Variants in THSD1 observed in about 807,000 individuals in gnomAD.
THSD1 encodes the protein thrombospondin type 1 domain containing 1, also known as thrombospondin type-1 domain-containing protein 1.
Under a neutral mutation model 46.3 loss-of-function variants are expected in THSD1, and 34 were observed. The observed-to-expected ratio is 0.74, with a 90% CI of 0.56 to 0.98. THSD1 has a LOEUF of 0.98. THSD1 is among the 50% of genes least tolerant of loss of function. The pLI, the probability that THSD1 is intolerant of heterozygous loss-of-function variation, is 0.00. For synonymous variants in THSD1, 407 were observed against 416.5 expected (o/e 0.98, Z 0.28); for missense variants, 1,023 against 1,058.3 (o/e 0.97, Z 0.46).
chr13:52,400,517 G>A (rs1454041248), intron 2 of THSD1, among the ~76,000 whole-genome samples: 1 of 152,084 alleles, frequency 6.6e-6, no homozygotes, highest in Non-Finnish European at 1.5e-5. Context: ...AGAATTGCTG[G>A]AACCCGGGAA....
At chr13:52,390,922 T>G (rs1957768350) in intron 3 of THSD1, among the ~76,000 whole-genome samples, 1 of 152,112 alleles carries the variant, frequency 6.6e-6, no homozygotes, top group Non-Finnish European at 1.5e-5. Flanking sequence ...AAATCAGTTT[T>G]GATTTAAAAA....
chr13:52,392,337 A>G (rs1194857129), intron 3 of THSD1, among the ~76,000 whole-genome samples: 1 of 152,218 alleles, frequency 6.6e-6, no homozygotes, highest in Non-Finnish European at 1.5e-5. Flanking sequence ...CAAAGCAATG[A>G]TCAAATTTAA....
rs150440372 is a variant in THSD1, at chr13:52,377,634, G to C, written c.2336C>G (p.Ser779Cys). 7 of 1,610,512 alleles carry C rather than the reference G, an allele frequency of 4.3e-6. No individual in the cohort carries two copies. The highest frequency in any genetic ancestry group is 5.9e-6 in the Non-Finnish European group (7 of 1,177,068). Residue 779 changes from serine (S) to cysteine (C), a missense_variant, in exon 5 of 5, where the codon TCC (serine) becomes TGC (cysteine). Physicochemically the swap from Ser to Cys is moderately radical, Grantham distance 112 (BLOSUM62 -1). Transcript: ENST00000258613. ...SVSRKQSSPI[S>C]PKDNYQRVSS... ...GACCCTCTGGTAGTTATCTTTGGGG[G>C]ATATGGGAGAAGACTGCTTCCTTGA... is the stretch of plus-strand genomic sequence containing the variant.
chr13:52,403,830 G>A (rs1957884350), intron 1 of THSD1, among the ~76,000 whole-genome samples: 1 of 151,658 alleles, frequency 6.6e-6, no homozygotes, highest in African/African-American at 2.4e-5. Context: ...TAAGATACTG[G>A]GCATTTAAGA....
Position 52,386,192 on chromosome 13 carries a change from A to G in THSD1, c.1022-6T>C. ...CTGCCACAGTCCCCAAGTTTCTGCA[A>G]GGATATAAGTTATGCTTTTAATGCT... On this transcript the variant is annotated splice_region_variant and splice_polypyrimidine_tract_variant and intron_variant, in intron 3 of 4. Transcript: ENST00000258613. 2 of 1,613,854 alleles carry G rather than the reference A, an allele frequency of 1.2e-6. No homozygotes were observed. The highest frequency in any genetic ancestry group is 1.7e-6 in the Non-Finnish European group (2 of 1,179,882).
Position 52,398,135 on chromosome 13 carries a change from C to T in THSD1, c.118G>A (p.Asp40Asn), listed in dbSNP as rs371958733. The stretch of plus-strand genomic sequence containing the variant: ...TACTGGAAATCCACATACACTGTGT[C>T]GTTGCTTAGTGCTACATGGCCTGGC... Reference protein sequence around the residue: ...REPGHVALSNDTVYVDFQYFD... With the variant: ...REPGHVALSNNTVYVDFQYFD... Residue 40 changes from aspartate to asparagine, a missense_variant, in exon 3 of 5, where the codon GAC (aspartate) becomes AAC (asparagine). Transcript: ENST00000258613. The T allele has an allele frequency of 4.3e-6, 7 of 1,614,072 alleles. No individual in the cohort carries two copies. Among genetic ancestry groups the T allele is most frequent in the African/African-American group, 2.7e-5 (2 of 74,932 alleles).
intron 4 of THSD1, 68 bp from the exon 5 acceptor site, chr13:52,378,857 TC>T: frequency 1.4e-6 from 2 of 1,399,880 alleles, no homozygotes; most frequent in Non-Finnish European, 1.9e-6. Flanking sequence ...TTTTACTTTT[TC>T]TTTTCTTTTT....
chr13:52,385,604 T>A (rs1957725054), intron 4 of THSD1, among the ~76,000 whole-genome samples: 1 of 152,138 alleles, frequency 6.6e-6, no homozygotes. Flanking sequence ...AATAATGGTC[T>A]ATGTGGTCCC....
Position 52,397,241 on chromosome 13 carries a change from T to C in THSD1, c.1012A>G (p.Arg338Gly), listed in dbSNP as rs1384238076. 1 of 1,571,322 alleles carries C rather than the reference T, an allele frequency of 6.4e-7. No individual in the cohort carries two copies. The highest frequency in any genetic ancestry group is 8.6e-7 in the Non-Finnish European group (1 of 1,161,180). Residue 338 changes from arginine (R) to glycine (G), a missense_variant, in exon 3 of 5, where the codon AGA (arginine) becomes GGA (glycine). Around this residue, in one of 3 missense-constraint regions of THSD1, gnomAD observed 429 missense variants for 518.3 expected, o/e 0.83. Transcript: ENST00000258613. ...AAATCTCAATACAAACCTGTATTTC[T>C]CTGAATTAGCATGCACTCCTCCTTT... ...SAKEECMLIQ[R>G]NTETWGLWQP...
intron 2 of THSD1, chr13:52,398,646 A>T: frequency 1.0e-6 from 1 of 974,456 alleles, no homozygotes; most frequent in Non-Finnish European, 1.2e-6. Flanking sequence ...TTTCCATGGA[A>T]GTGGTTCTGT....
rs1369197563 is a variant in THSD1, at chr13:52,402,673, C to A, written c.-73G>T. 53 of 1,587,354 alleles carry A rather than the reference C, an allele frequency of 3.3e-5. No individual in the cohort carries two copies. Among genetic ancestry groups the A allele is most frequent in the Non-Finnish European group, 4.1e-5 (48 of 1,165,376 alleles). On this transcript the variant is annotated 5_prime_UTR_variant, in exon 2 of 5. Coordinates refer to ENST00000258613, the MANE Select transcript of THSD1 (RefSeq NM_018676.4). ...ACGTCCAGATTGTGATTTTTTTCCCCAAAAACACCTGAAATTAGAACCTCA... is the reference window on the plus strand; with the variant it reads ...ACGTCCAGATTGTGATTTTTTTCCCAAAAAACACCTGAAATTAGAACCTCA...
Position 52,378,412 on chromosome 13 carries a change from C to T in THSD1, c.1558G>A (p.Ala520Thr), listed in dbSNP as rs771382665. Residue 520 changes from alanine (A) to threonine (T), a missense_variant, in exon 5 of 5, where the codon GCC becomes ACC. Physicochemically the swap from Ala to Thr is moderately conservative, Grantham distance 58. This residue lies in a region of THSD1 where 578 missense variants were observed against 497.4 expected (regional missense o/e 1.16). Transcript: ENST00000258613. ...ASGSESFQSN[A>T]QKIIPPLFSY... The stretch of plus-strand genomic sequence containing the variant: ...AACAGAGGTGGGATTATCTTCTGGG[C>T]GTTGGACTGGAAGCTCTCGCTGCCA... 2.4e-5 allele frequency: 39 copies of T among 1,613,918 alleles called. No individual in the cohort carries two copies. The highest frequency in any genetic ancestry group is 3.1e-5 in the Non-Finnish European group (37 of 1,180,018).
chr13:52,402,215 G>T (rs922872182), intron 2 of THSD1, among the ~76,000 whole-genome samples: 1 of 152,224 alleles, frequency 6.6e-6, no homozygotes, highest in African/African-American at 2.4e-5. Flanking sequence ...ATCATTGCAT[G>T]TGTGTATGAA....
intron 3 of THSD1, among the ~76,000 whole-genome samples, chr13:52,391,911 G>C (rs1333832797): frequency 6.6e-6 from 1 of 151,854 alleles, no homozygotes; most frequent in East Asian, 2.0e-4. Context: ...TAAAATCATA[G>C]GCCAGGCACG....
intron 4 of THSD1, among the ~76,000 whole-genome samples, chr13:52,385,072 T>C (rs994664941): frequency 6.6e-6 from 1 of 152,158 alleles, no homozygotes; most frequent in African/African-American, 2.4e-5. Flanking sequence ...GGCTGAGATG[T>C]TGCCAGGTGC....
rs372648101 is a variant in THSD1 at position 52,378,438 on chromosome 13, G to A, written c.1532C>T (p.Ser511Phe). ...SGPVPPEDDA[S>F]GSESFQSNAQ... ...GTTGGACTGGAAGCTCTCGCTGCCA[G>A]AGGCATCATCCTCGGGAGGTACCGG... The change falls in exon 5 of 5, where the codon TCT becomes TTT. Residue 511 changes from serine to phenylalanine, a missense_variant. Physicochemically the swap from Ser to Phe is radical, Grantham distance 155. Transcript: ENST00000258613. 3.1e-6 allele frequency: 5 copies of A among 1,614,084 alleles called. No individual in the cohort carries two copies. In the African/African-American group the frequency reaches 4.0e-5, roughly 13 times the overall value.
chr13:52,406,151 C>T lies in THSD1; in HGVS notation c.-202G>A, dbSNP rs1309255797. 1 of 152,174 alleles carries T rather than the reference C, an allele frequency of 6.6e-6. No individual in the cohort carries two copies. Among genetic ancestry groups the T allele is most frequent in the Non-Finnish European group, 1.5e-5 (1 of 68,022 alleles). The allele number at this position is 152,174 out of a possible 1,614,324, so 9.4% of individuals were successfully genotyped here. ...CCGCGTCCCAGACTGCACGCCCTGA[C>T]CCCGCGGCGTTCGGCTCCCACAGCC... On this transcript the variant is annotated 5_prime_UTR_variant, in exon 1 of 5. Transcript: ENST00000258613.
At chr13:52,402,821 TG>T in intron 1 of THSD1, 140 bp from the exon 2 acceptor site, 1 of 1,359,102 alleles carries the variant, frequency 7.4e-7, no homozygotes, top group Non-Finnish European at 9.5e-7. Flanking sequence ...TAATTTTCCC[TG>T]GGGCAATGAC....
At chr13:52,379,495 G>A (rs1039923658) in intron 4 of THSD1, among the ~76,000 whole-genome samples, 5 of 151,402 alleles carry the variant, frequency 3.3e-5, no homozygotes, top group South Asian at 2.1e-4. Context: ...GTTTTGAGAC[G>A]GAGTCTTGCT....
Sources: allele counts gnomAD v4.1 joint callset (sites outside exome capture counted in the v4.1 genomes callset), GRCh38; gene constraint gnomAD v4.1.1; regional missense constraint gnomAD v4.1.1; transcripts MANE v1.5; gene names NCBI Gene and HGNC (gene_info 2026-07-23, HGNC 2026-07-21).